Variants in SPC25 observed in about 807,000 individuals in gnomAD.
SPC25 encodes kinetochore protein Spc25.
SPC25 carries 22 observed loss-of-function variants against 29.6 expected under a neutral mutation model. The ratio of observed to expected loss-of-function variants is 0.74; its 90% CI spans 0.53 to 1.06. SPC25 has a LOEUF of 1.06. Among genes scored for constraint, SPC25 ranks in the 50% least tolerant of loss-of-function variants. The pLI, the probability that SPC25 is intolerant of heterozygous loss-of-function variation, is 0.00. For synonymous variants in SPC25, 91 were observed against 90.4 expected (o/e 1.01, Z -0.04); for missense variants, 230 against 255.8 (o/e 0.90, Z 0.69).
At chr2:168,863,556 T>G in intron 4 of SPC25, 1 of 985,350 alleles carries the variant, frequency 1.0e-6, no homozygotes, top group Non-Finnish European at 1.2e-6. Flanking sequence ...TTCTCTTTAT[T>G]TGAATCATTG....
Position 168,877,401 on chromosome 2 carries a change from G to A in SPC25, c.200-17C>T, listed in dbSNP as rs1690105991. ...TGCTGATCTCTGTAAGAAGCACAAG[G>A]TATTAGCTAGAATATGCTTGGCTCT... is the stretch of plus-strand genomic sequence containing the variant. On this transcript the variant is annotated splice_polypyrimidine_tract_variant and intron_variant, in intron 3 of 6. Transcript: ENST00000282074. 5 of 1,613,012 alleles carry A rather than the reference G, an allele frequency of 3.1e-6. No individual in the cohort carries two copies. Among genetic ancestry groups the A allele is most frequent in the Non-Finnish European group, 4.2e-6 (5 of 1,179,570 alleles).
intron 5 of SPC25, among the ~76,000 whole-genome samples, chr2:168,874,294 C>T (rs1690048197): frequency 6.6e-6 from 1 of 152,138 alleles, no homozygotes. Context: ...TAAAATGGTA[C>T]AGCCACTGTG....
chr2:168,882,222 A>C (rs1198262170), intron 3 of SPC25, among the ~76,000 whole-genome samples: 1 of 152,244 alleles, frequency 6.6e-6, no homozygotes, highest in Non-Finnish European at 1.5e-5. Flanking sequence ...ATCCAAAATA[A>C]ATTCTTTAGT....
intron 3 of SPC25, among the ~76,000 whole-genome samples, chr2:168,885,227 C>T (rs1690242377): frequency 6.6e-6 from 1 of 152,172 alleles, no homozygotes; most frequent in African/African-American, 2.4e-5. Context: ...AAATGCATCA[C>T]CACTGATTCA....
intron 4 of SPC25, among the ~76,000 whole-genome samples, chr2:168,863,847 C>CATCAGCTACATAGAAATAGAAA (rs1689656981): frequency 1.3e-5 from 2 of 152,114 alleles, no homozygotes; most frequent in African/African-American, 4.8e-5. Context: ...GGTGACAATC[C>CATCAGCTACATAGAAATAGAAA]ATCAGCTACA....
At chr2:168,861,918 C>T (rs754949541) in intron 4 of SPC25, 22 of 1,558,608 alleles carry the variant, frequency 1.4e-5, no homozygotes, top group Non-Finnish European at 1.9e-5. Flanking sequence ...TATTCATTTG[C>T]CTGCTAACAC....
intron 3 of SPC25, among the ~76,000 whole-genome samples, chr2:168,879,605 A>G (rs1272078075): frequency 6.6e-6 from 1 of 152,120 alleles, no homozygotes; most frequent in Non-Finnish European, 1.5e-5. Context: ...GGTTAAAATC[A>G]ACTTCTTCCA....
At chr2:168,867,154 T>G (rs1467527322), downstream of SPC25, among the ~76,000 whole-genome samples, 1 of 152,178 alleles carries the variant, frequency 6.6e-6, no homozygotes, top group Admixed American at 6.5e-5. Flanking sequence ...TAAATCATGC[T>G]GCTATAAAGA....
At chr2:168,867,885 A>G (rs1282627090), downstream of SPC25, among the ~76,000 whole-genome samples, 1 of 152,242 alleles carries the variant, frequency 6.6e-6, no homozygotes, top group Non-Finnish European at 1.5e-5. Context: ...CTCCACCCCA[A>G]ATCAACAGAA....
chr2:168,872,094 C>T (rs10084216), intron 6 of SPC25, among the ~76,000 whole-genome samples: 8,215 of 152,128 alleles, frequency 0.054, 712 homozygotes, highest in African/African-American at 0.18. Context: ...TTTGCCTCAG[C>T]TTTCTGAGTA....
chr2:168,880,496 G>A (rs1690159966), intron 3 of SPC25, among the ~76,000 whole-genome samples: 1 of 152,204 alleles, frequency 6.6e-6, no homozygotes, highest in Non-Finnish European at 1.5e-5. Context: ...AGGGAATGTT[G>A]TGGTTTGTTT....
intron 4 of SPC25, chr2:168,863,548 C>T (rs1256844625): frequency 1.0e-6 from 1 of 985,132 alleles, no homozygotes; most frequent in East Asian, 1.1e-4. Flanking sequence ...CTATGGAATT[C>T]TCTTTATTTG....
intron 3 of SPC25, among the ~76,000 whole-genome samples, chr2:168,879,291 G>A (rs1345594021): frequency 6.6e-6 from 1 of 152,190 alleles, no homozygotes; most frequent in Admixed American, 6.5e-5. Flanking sequence ...TTTCAAAATT[G>A]GAGTCAGTCT....
chr2:168,885,529 C>T (rs1690246209), intron 3 of SPC25, among the ~76,000 whole-genome samples: 1 of 152,150 alleles, frequency 6.6e-6, no homozygotes, highest in Non-Finnish European at 1.5e-5. Flanking sequence ...CAAAGTCTAA[C>T]CCCCTTTGCA....
chr2:168,886,718 A>T lies in SPC25; in HGVS notation c.199+2508T>A, dbSNP rs1434953963. 8.6e-5 allele frequency among the ~76,000 whole-genome samples: 13 copies of T among 151,300 alleles called. No individual in the cohort carries two copies. The East Asian group carries it at 2.6e-3, about 31-fold the overall frequency. ...GTATTTTTAGTAGAGACAAGGTTTC[A>T]CCGTGTTAGCCAGGATGGTCTTGAT... On this transcript the variant is annotated intron_variant, in intron 3 of 6. Coordinates refer to ENST00000282074, the MANE Select transcript of SPC25 (RefSeq NM_020675.4).
At chr2:168,872,335 T>G (rs1469415815) in intron 6 of SPC25, among the ~76,000 whole-genome samples, 1 of 152,220 alleles carries the variant, frequency 6.6e-6, no homozygotes, top group Admixed American at 6.5e-5. Context: ...ATCTAGAATT[T>G]TCCAAGTGAA....
At chr2:168,870,464 A>C (rs1291213757), downstream of SPC25, among the ~76,000 whole-genome samples, 4 of 151,068 alleles carry the variant, frequency 2.6e-5, no homozygotes, top group African/African-American at 9.7e-5. Flanking sequence ...CTCATCTGAC[A>C]AAGGGCTAAT....
intron 4 of SPC25, chr2:168,864,853 C>T (rs368861114): frequency 2.2e-5 from 36 of 1,613,604 alleles, no homozygotes; most frequent in African/African-American, 5.3e-5. Context: ...TGATTATACA[C>T]GAGAAAAAAG....
In SPC25 at chr2:168,877,369, T is replaced by G; in HGVS notation, c.215A>C (p.Asn72Thr). ...LEYQNQISRQ[N>T]KLIQEKKDNL... Reference sequence around the variant, plus strand: ...ATCCTTTTTTTCTTGAATGAGCTTATTTTGCCTGCTGATCTCTGTAAGAAG... The same window carrying G: ...ATCCTTTTTTTCTTGAATGAGCTTAGTTTGCCTGCTGATCTCTGTAAGAAG... The change falls in exon 4 of 7, where the codon AAT (asparagine) becomes ACT (threonine). Residue 72 changes from asparagine to threonine, a missense_variant. Physicochemically the swap from Asn to Thr is moderately conservative, Grantham distance 65 (BLOSUM62 0). Transcript: ENST00000282074. 6.2e-7 allele frequency: 1 copy of G among 1,613,754 alleles called. No individual in the cohort carries two copies. Among genetic ancestry groups the G allele is most frequent in the African/African-American group, 1.3e-5 (1 of 75,030 alleles).
Sources: gnomAD v4.1 joint callset for allele counts (sites outside exome capture counted in the v4.1 genomes callset) on GRCh38, gnomAD v4.1.1 for gene constraint, MANE v1.5 for transcripts, NCBI Gene and HGNC (gene_info 2026-07-23, HGNC 2026-07-21) for gene names.